TFR2: variants seen among roughly 807,000 people sequenced by gnomAD.
TFR2 encodes the protein transferrin receptor 2.
A neutral mutation model predicts 91.9 loss-of-function variants in TFR2; 64 were observed. The ratio of observed to expected loss-of-function variants is 0.70; its 90% CI spans 0.57 to 0.86. The LOEUF (loss-of-function observed/expected upper bound fraction) is 0.86. TFR2 is among the 40% of genes least tolerant of loss of function. The probability of loss-of-function intolerance (pLI) is 0.00; values close to 1 mark genes in which losing one functional copy is unlikely to be tolerated. For synonymous variants in TFR2, 454 were observed against 459.6 expected, an observed-to-expected ratio of 0.99 and a Z score of 0.15; for missense variants, 950 against 1,080.5, an observed-to-expected ratio of 0.88 and a Z score of 1.69.
intron 8 of TFR2, among the ~76,000 whole-genome samples, chr7:100,631,269 A>T (rs1256066952): frequency 6.8e-6 from 1 of 146,142 alleles, no homozygotes; most frequent in South Asian, 2.2e-4. Context: ...CAGACAGTAG[A>T]CCCTGGAGAA....
intron 17 of TFR2, 82 bp downstream of exon 17, chr7:100,626,681 G>T: frequency 1.3e-6 from 2 of 1,519,632 alleles, no homozygotes; most frequent in Admixed American, 4.0e-5. Context: ...AGAGGAGCGC[G>T]CAGACGGGGC....
rs761515555 is a variant in TFR2, at chr7:100,641,016, G to T, written c.246C>A (p.Ala82=). ...GCAGGGCCGTCAGGACCAGGTAGGG[G>T]GCAGCCCTCCGTCCTGCTGCCGCCC... ...IPWAAAGRRA[A]PYLVLTALLI... The change falls in exon 2 of 18, where the codon GCC becomes GCA. Residue 82 remains alanine (A), a synonymous_variant. Transcript: ENST00000223051. 2.5e-6 allele frequency: 4 copies of T among 1,604,294 alleles called. No individual in the cohort carries two copies. In the Admixed American group the frequency reaches 5.1e-5, roughly 20 times the overall value.
Position 100,635,310 on chromosome 7 carries a change from T to A in TFR2, c.474-1754A>T, listed in dbSNP as rs769651870. 1.2e-3 allele frequency among the ~76,000 whole-genome samples: 169 copies of A among 144,690 alleles called. 2 individuals are homozygous for A. The highest frequency in any genetic ancestry group is 1.5e-3 in the Non-Finnish European group (97 of 65,826). The allele number at this position is 144,690 out of a possible 152,430, so 94.9% of individuals were successfully genotyped here. A position where few individuals can be genotyped will look rare whatever the true frequency, so the allele number is the denominator to read the frequency against. ...AGCCTGGAGTGCAGTGGCATGACCA[T>A]AGCTCACTGCAACCTTCAGCTCCTA... On this transcript the variant is annotated intron_variant, in intron 3 of 17. Coordinates refer to ENST00000223051, the MANE Select transcript of TFR2 (RefSeq NM_003227.4).
Position 100,632,551 on chromosome 7 carries a change from CT to C in TFR2, c.850-354del, listed in dbSNP as rs1266109813. ...CTCCCTCCCTTCTCTGTTTCTCTCT[CT>C]TTTTTTTTTTTTTCTTTTTGAGACA... On this transcript the variant is annotated intron_variant, in intron 6 of 17. Coordinates refer to ENST00000223051, the MANE Select transcript of TFR2 (RefSeq NM_003227.4). Among the ~76,000 whole-genome samples, 168 of 127,606 alleles carry C rather than the reference CT, an allele frequency of 1.3e-3. 1 individual carries two copies. In the East Asian group the frequency reaches 0.013, roughly 10 times the overall value. The allele number at this position is 127,606 out of a possible 152,430, so 83.7% of individuals were successfully genotyped here.
At chr7:100,627,031 G>T in intron 16 of TFR2, 128 bp from the exon 17 acceptor site, 1 of 1,408,122 alleles carries the variant, frequency 7.1e-7, no homozygotes. Context: ...GGAGGAGGTA[G>T]ACGAGGACAG....
intron 6 of TFR2, chr7:100,632,674 G>A (rs1475650427): frequency 8.7e-6 from 3 of 343,306 alleles, no homozygotes; most frequent in Admixed American, 4.7e-5. Context: ...CGGAGCCTCC[G>A]GAGTAGCTGG....
chr7:100,639,622 A>G (rs1803650921), intron 3 of TFR2, among the ~76,000 whole-genome samples: 1 of 151,876 alleles, frequency 6.6e-6, no homozygotes, highest in Non-Finnish European at 1.5e-5. Flanking sequence ...GGAAAAGAGA[A>G]TCTCCATCTC....
intron 17 of TFR2, among the ~76,000 whole-genome samples, chr7:100,624,971 C>A (rs1803214768): frequency 6.6e-6 from 1 of 152,142 alleles, no homozygotes; most frequent in Admixed American, 6.6e-5. Flanking sequence ...CTGGGTCTGG[C>A]CCAATCCTGT....
intron 10 of TFR2, among the ~76,000 whole-genome samples, chr7:100,628,585 A>G (rs576241855): frequency 2.6e-4 from 39 of 151,908 alleles, no homozygotes; most frequent in African/African-American, 8.9e-4. Flanking sequence ...AAACTTTTGT[A>G]GAGATGCAGT....
chr7:100,630,569 C>T (rs373502847), intron 9 of TFR2, among the ~76,000 whole-genome samples: 2 of 152,200 alleles, frequency 1.3e-5, no homozygotes, highest in African/African-American at 2.4e-5. Context: ...GGATTACAGG[C>T]GTGAGCCACC....
intron 9 of TFR2, 76 bp from the exon 10 acceptor site, chr7:100,629,448 C>G: frequency 6.2e-7 from 1 of 1,603,098 alleles, no homozygotes; most frequent in Non-Finnish European, 8.5e-7. Flanking sequence ...CTGCCTGTGT[C>G]TCTCAGCCCA....
At chr7:100,634,562 A>G (rs1474905306) in intron 3 of TFR2, among the ~76,000 whole-genome samples, 3 of 152,200 alleles carry the variant, frequency 2.0e-5, no homozygotes, top group African/African-American at 7.2e-5. Context: ...ATTTAAAGCT[A>G]CACATCAAAA....
intron 6 of TFR2, among the ~76,000 whole-genome samples, chr7:100,632,526 C>T (rs1803472061): frequency 6.6e-6 from 1 of 150,824 alleles, no homozygotes. Context: ...TCCTCCCTCC[C>T]TCCCTCCCTT....
chr7:100,640,645 G>C, intron 3 of TFR2, 41 bp downstream of exon 3: 1 of 1,601,608 alleles, frequency 6.2e-7, no homozygotes, highest in Non-Finnish European at 8.5e-7. Flanking sequence ...CGGATGAGGG[G>C]AGGGACACTC....
At chr7:100,630,790 T>C in intron 9 of TFR2, 99 bp downstream of exon 9, 2 of 1,549,732 alleles carry the variant, frequency 1.3e-6, no homozygotes, top group East Asian at 2.3e-5. Flanking sequence ...TGTCCCCTCT[T>C]GGGGCCTCCT....
intron 8 of TFR2, among the ~76,000 whole-genome samples, chr7:100,631,305 CTTTTTTTTTTT>C (rs542161282): frequency 9.4e-5 from 9 of 95,696 alleles, no homozygotes; most frequent in Admixed American, 1.2e-4. Flanking sequence ...AGAAGAGTCA[CTTTTTTTTTTT>C]TTTTTTTTTT....
At chr7:100,626,004 G>A (rs2131309847) in intron 17 of TFR2, among the ~76,000 whole-genome samples, 1 of 152,284 alleles carries the variant, frequency 6.6e-6, no homozygotes, top group South Asian at 2.1e-4. Flanking sequence ...GTGAGTGTGT[G>A]TGCACAAGTG....
chr7:100,640,727 G>C lies in TFR2; in HGVS notation c.432C>G (p.Phe144Leu), dbSNP rs916571186. The change falls in exon 3 of 18, where the codon TTC becomes TTG. Residue 144 changes from phenylalanine to leucine, a missense_variant. Coordinates refer to ENST00000223051, the MANE Select transcript of TFR2 (RefSeq NM_003227.4). Reference protein sequence around the residue: ...RLYWSDLQAMFLQFLGEGRLE... With the variant: ...RLYWSDLQAMLLQFLGEGRLE... ...GGCGCCCCTCCCCCAGGAACTGCAG[G>C]AACATGGCCTGGAGGTCGCTCCAGT... The C allele has an allele frequency of 6.2e-7, 1 of 1,613,918 alleles. No individual in the cohort carries two copies. The highest frequency in any genetic ancestry group is 8.5e-7 in the Non-Finnish European group (1 of 1,179,964).
intron 6 of TFR2, chr7:100,632,746 T>C: frequency 2.8e-6 from 1 of 354,636 alleles, no homozygotes; most frequent in Non-Finnish European, 5.1e-6. Flanking sequence ...ACCTTTTTTT[T>C]TTTTTTTTTT....
Sources: gnomAD v4.1 joint callset for allele counts (sites outside exome capture counted in the v4.1 genomes callset) on GRCh38, gnomAD v4.1.1 for gene constraint, MANE v1.5 for transcripts, NCBI Gene and HGNC (gene_info 2026-07-23, HGNC 2026-07-21) for gene names.